GALNT10: variants seen among roughly 807,000 people sequenced by gnomAD.
The protein encoded by GALNT10 is GalNAc transferase 10.
A neutral mutation model predicts 75.0 loss-of-function variants in GALNT10; 41 were observed. The ratio of observed to expected loss-of-function variants is 0.55; its 90% CI spans 0.43 to 0.71. The LOEUF is 0.71. GALNT10 is among the 30% of genes least tolerant of loss of function. GALNT10 has a pLI of 0.00. For missense variants in GALNT10, 727 were observed against 818.5 expected (o/e 0.89, Z 1.36); for synonymous variants, 302 against 313.0 (o/e 0.96, Z 0.37).
chr5:154,279,367 G>A (rs1437575329), intron 1 of GALNT10, among the ~76,000 whole-genome samples: 2 of 144,878 alleles, frequency 1.4e-5, no homozygotes, highest in Admixed American at 6.9e-5. Context: ...ACAATGGCAC[G>A]ATCTCGGCTC....
At chr5:154,408,185 C>T (rs1378138599) in intron 8 of GALNT10, among the ~76,000 whole-genome samples, 1 of 152,096 alleles carries the variant, frequency 6.6e-6, no homozygotes, top group East Asian at 1.9e-4. Context: ...GTCTGCAAAG[C>T]CTAAGTATTT....
intron 4 of GALNT10, among the ~76,000 whole-genome samples, chr5:154,342,124 G>A (rs1024377969): frequency 1.1e-4 from 16 of 152,142 alleles, no homozygotes; most frequent in African/African-American, 3.6e-4. Context: ...GGTGATGCTT[G>A]TTATTATTAC....
In GALNT10 at chr5:154,379,587, C is replaced by A. The variant is rs112154609; in HGVS notation, c.755-861C>A. Among the ~76,000 whole-genome samples the A allele has an allele frequency of 6.8e-3, 1,038 of 152,296 alleles. 11 individuals are homozygous for A. The highest frequency in any genetic ancestry group is 0.024 in the African/African-American group (986 of 41,538). ...CTGACCCAGTAGCTCACTGTTACCCCCCAGCTGTGGTCAGGGCTTCTTGGC... is the reference window on the plus strand; with the variant it reads ...CTGACCCAGTAGCTCACTGTTACCCACCAGCTGTGGTCAGGGCTTCTTGGC... On this transcript the variant is annotated intron_variant, in intron 5 of 11. Transcript: ENST00000297107.
rs200600903 is a variant in GALNT10, at chr5:154,412,898, G to A, written c.1396G>A (p.Val466Met). The A allele has an allele frequency of 1.2e-6, 2 of 1,612,172 alleles. No homozygotes were observed. The highest frequency in any genetic ancestry group is 1.7e-5 in the Admixed American group (1 of 60,022). The change falls in exon 10 of 12, where the codon GTG becomes ATG. Residue 466 changes from valine to methionine, a missense_variant. Coordinates refer to ENST00000297107, the MANE Select transcript of GALNT10 (RefSeq NM_198321.4). This position sits in a 1 kb window ranked among gnomAD's most constrained non-coding sequence, Gnocchi z 4.2. ...CCTCTTTCCCTTTCAGATCCGAAAT[G>A]TGGGCACAGGGCTGTGTGCAGACAC... Reference protein sequence around the residue: ...PAAAWGEIRNVGTGLCADTKH... With the variant: ...PAAAWGEIRNMGTGLCADTKH...
chr5:154,287,412 C>G (rs1330852638), intron 1 of GALNT10: 2 of 152,226 alleles, frequency 1.3e-5, no homozygotes, highest in South Asian at 2.1e-4. Flanking sequence ...GATTCCACCC[C>G]CAACCCCCAC....
At chr5:154,206,200 A>G (rs1378749049) in intron 1 of GALNT10, among the ~76,000 whole-genome samples, 1 of 152,218 alleles carries the variant, frequency 6.6e-6, no homozygotes, top group Non-Finnish European at 1.5e-5. Flanking sequence ...CACTGCACAT[A>G]TATATTCTTT....
chr5:154,200,843 C>G (rs183089665), intron 1 of GALNT10, among the ~76,000 whole-genome samples: 316 of 152,242 alleles, frequency 2.1e-3, no homozygotes, highest in African/African-American at 7.2e-3. Context: ...CCCAGAGATA[C>G]GTTTTGTGTG....
In GALNT10 at chr5:154,402,215, C is replaced by G. The variant is rs1328654510; in HGVS notation, c.1057-1889C>G. Among the ~76,000 whole-genome samples the G allele has an allele frequency of 2.0e-5, 3 of 152,218 alleles. No homozygotes were observed. Among genetic ancestry groups the G allele is most frequent in the Non-Finnish European group, 4.4e-5 (3 of 68,034 alleles). ...CCCTGCGGGAGCCCTGCCCGCGTCT[C>G]TGGCCTCCCCTCCCATCCCTCTTCC... On this transcript the variant is annotated intron_variant, in intron 7 of 11. Transcript: ENST00000297107. The surrounding 1 kb of genome is among the most constrained non-coding windows in gnomAD (Gnocchi z 4.2).
Position 154,357,918 on chromosome 5 carries a change from G to A in GALNT10, c.569-18359G>A, listed in dbSNP as rs1755321557. ...CAATTTCTTCATGGGAAGGGTTTAG[G>A]GATGACAACTGCGTGGAAGAGAGGG... On this transcript the variant is annotated intron_variant, in intron 4 of 11. Coordinates refer to ENST00000297107, the MANE Select transcript of GALNT10 (RefSeq NM_198321.4). 2.0e-5 allele frequency among the ~76,000 whole-genome samples: 3 copies of A among 152,138 alleles called. No homozygotes were observed. The South Asian group carries it at 6.2e-4, about 32-fold the overall frequency.
intron 3 of GALNT10, among the ~76,000 whole-genome samples, chr5:154,323,623 G>A (rs1754709705): frequency 6.6e-6 from 1 of 152,206 alleles, no homozygotes; most frequent in African/African-American, 2.4e-5. Flanking sequence ...GTATGGACAG[G>A]GAGGTCAGGG....
chr5:154,365,467 G>C (rs1755461112), intron 4 of GALNT10, among the ~76,000 whole-genome samples: 1 of 152,178 alleles, frequency 6.6e-6, no homozygotes. Flanking sequence ...TGATTGTTAA[G>C]GGATGGTGAA....
At chr5:154,399,533 A>T (rs140689447) in intron 7 of GALNT10, among the ~76,000 whole-genome samples, 3 of 152,228 alleles carry the variant, frequency 2.0e-5, no homozygotes, top group Non-Finnish European at 4.4e-5. Flanking sequence ...GAAACAAGGA[A>T]ACCTCGGGCT....
At chr5:154,200,212 G>A (rs1417856719) in intron 1 of GALNT10, among the ~76,000 whole-genome samples, 5 of 152,190 alleles carry the variant, frequency 3.3e-5, no homozygotes, top group African/African-American at 9.7e-5. Context: ...CCAGGCAGCC[G>A]TGCCAGGGCA....
At chr5:154,272,287 G>T (rs1333829382) in intron 1 of GALNT10, among the ~76,000 whole-genome samples, 1 of 152,166 alleles carries the variant, frequency 6.6e-6, no homozygotes, top group Non-Finnish European at 1.5e-5. Flanking sequence ...GGTAAATAGG[G>T]GAGTGATCGG....
At chr5:154,357,887 G>A (rs1016338513) in intron 4 of GALNT10, among the ~76,000 whole-genome samples, 23 of 152,300 alleles carry the variant, frequency 1.5e-4, no homozygotes, top group African/African-American at 5.3e-4. Context: ...GGCTCAGCGT[G>A]CTCCACAATT....
chr5:154,269,735 C>T (rs1462963818), intron 1 of GALNT10, among the ~76,000 whole-genome samples: 1 of 152,132 alleles, frequency 6.6e-6, no homozygotes, highest in East Asian at 1.9e-4. Context: ...GTGGAGGGAG[C>T]CTGGTATGGT....
At position 154,409,625 on chromosome 5, in the gene GALNT10, G is replaced by T; in HGVS notation, c.1249G>T (p.Ala417Ser). Reference protein sequence around the residue: ...QRRPEYRHLSAGDVAVQKKLR... With the variant: ...QRRPEYRHLSSGDVAVQKKLR... ...CCGGCCTGAATACCGCCACCTCTCC[G>T]CTGGGGATGTCGCAGTCCAGAAAAA... Residue 417 changes from alanine (A) to serine (S), a missense_variant, in exon 9 of 12, where the codon GCT becomes TCT. Physicochemically the swap from Ala to Ser is moderately conservative, Grantham distance 99. Coordinates refer to ENST00000297107, the MANE Select transcript of GALNT10 (RefSeq NM_198321.4). This position sits in a 1 kb window ranked among gnomAD's most constrained non-coding sequence, Gnocchi z 4.5. 1 of 1,613,428 alleles carries T rather than the reference G, an allele frequency of 6.2e-7. No individual in the cohort carries two copies. The highest frequency in any genetic ancestry group is 8.5e-7 in the Non-Finnish European group (1 of 1,179,348).
chr5:154,353,297 C>G (rs538070008), intron 4 of GALNT10, among the ~76,000 whole-genome samples: 13 of 152,106 alleles, frequency 8.5e-5, no homozygotes, highest in Non-Finnish European at 1.8e-4. Context: ...CACCACCCCC[C>G]GCAAAACGAC....
At chr5:154,337,645 C>T in intron 4 of GALNT10, 1 of 985,362 alleles carries the variant, frequency 1.0e-6, no homozygotes, top group South Asian at 1.3e-5. Flanking sequence ...TTGCCAAAAT[C>T]ATTGTAGCTT....
Sources: gnomAD v4.1 joint callset for allele counts (sites outside exome capture counted in the v4.1 genomes callset) on GRCh38, gnomAD v4.1.1 for gene constraint, Gnocchi (gnomAD v3.1) non-coding constraint, MANE v1.5 for transcripts, NCBI Gene and HGNC (gene_info 2026-07-23, HGNC 2026-07-21) for gene names.